Variants in KALRN observed in about 807,000 individuals in gnomAD.
KALRN encodes kalirin.
In KALRN, 70 loss-of-function variants were observed where a neutral mutation model predicts 353.7. That is an observed-to-expected ratio of 0.20 (90% CI 0.16 to 0.24). The LOEUF is 0.24. Ranked by LOEUF, KALRN falls within the 10% of genes least tolerant of loss-of-function variation. The pLI is 1.00. For synonymous variants in KALRN, 1,391 were observed against 1,434.8 expected (o/e 0.97, Z 0.69); for missense variants, 2,791 against 3,756.7 (o/e 0.74, Z 6.72).
chr3:124,530,566 AT>A (rs1392357799), intron 33 of KALRN, among the ~76,000 whole-genome samples: 1 of 151,960 alleles, frequency 6.6e-6, no homozygotes, highest in South Asian at 2.1e-4. Flanking sequence ...TAATTTTTGT[AT>A]TTTTTTGTAG....
chr3:124,569,276 T>A (rs2110021369), intron 34 of KALRN, among the ~76,000 whole-genome samples: 1 of 152,276 alleles, frequency 6.6e-6, no homozygotes, highest in Non-Finnish European at 1.5e-5. Context: ...CCTGATGATT[T>A]CTGCTGTTAC....
Position 124,642,814 on chromosome 3 carries a change from T to TTGTTGTTGTTTTTTTTTTGTTTG in KALRN, c.5664+5512_5664+5513insGTTGTTGTTTTTTTTTTGTTTGT, listed in dbSNP as rs1295983829. Reference sequence around the variant, plus strand: ...AGAGATTCCCAAGCCTCGTTTTTTTTTTTTTTTTTTTTGAGACGGAGTTTT... The same window carrying TTGTTGTTGTTTTTTTTTTGTTTG: ...AGAGATTCCCAAGCCTCGTTTTTTTTTGTTGTTGTTTTTTTTTTGTTTGTTTTTTTTTTTTGAGACGGAGTTTT... On this transcript the variant is annotated intron_variant, in intron 37 of 59. Coordinates refer to ENST00000682506, the MANE Select transcript of KALRN (RefSeq NM_001388419.1). Among the ~76,000 whole-genome samples, 64 of 102,288 alleles carry TTGTTGTTGTTTTTTTTTTGTTTG rather than the reference T, an allele frequency of 6.3e-4. 3 individuals are homozygous for TTGTTGTTGTTTTTTTTTTGTTTG. Among genetic ancestry groups the TTGTTGTTGTTTTTTTTTTGTTTG allele is most frequent in the Middle Eastern group, 0.012 (2 of 166 alleles). 67.1% of individuals were successfully genotyped at this position (102,288 alleles called of 152,430 possible).
intron 33 of KALRN, among the ~76,000 whole-genome samples, chr3:124,500,221 C>T (rs2064352346): frequency 6.6e-6 from 1 of 152,120 alleles, no homozygotes; most frequent in East Asian, 1.9e-4. Context: ...TGTAGGACTA[C>T]TTTATGTCTA....
At chr3:124,129,681 A>C (rs2065067613) in intron 1 of KALRN, among the ~76,000 whole-genome samples, 1 of 152,184 alleles carries the variant, frequency 6.6e-6, no homozygotes, top group East Asian at 1.9e-4. Flanking sequence ...AGGTTGTAAT[A>C]ATCACGTCGC....
intron 10 of KALRN, among the ~76,000 whole-genome samples, chr3:124,369,927 T>G (rs1380524331): frequency 1.3e-5 from 2 of 152,248 alleles, no homozygotes; most frequent in Non-Finnish European, 2.9e-5. Context: ...CCATTCATGT[T>G]GTCAAAAATG....
intron 1 of KALRN, among the ~76,000 whole-genome samples, chr3:124,075,989 G>C (rs992167714): frequency 6.6e-6 from 1 of 152,198 alleles, no homozygotes; most frequent in Non-Finnish European, 1.5e-5. Flanking sequence ...CTGTCTCTGC[G>C]TGTGGCCTAT....
At chr3:124,560,396 CAGTT>C (rs1424559142) in intron 33 of KALRN, among the ~76,000 whole-genome samples, 2 of 152,190 alleles carry the variant, frequency 1.3e-5, no homozygotes, top group African/African-American at 4.8e-5. Context: ...GAGAGTCTCT[CAGTT>C]AGAAAGAATT....
intron 1 of KALRN, among the ~76,000 whole-genome samples, chr3:124,171,084 TG>T (rs2071753130): frequency 6.6e-6 from 1 of 152,022 alleles, no homozygotes; most frequent in African/African-American, 2.4e-5. Context: ...CACAAAGTGT[TG>T]GGATTACAGG....
intron 1 of KALRN, among the ~76,000 whole-genome samples, chr3:124,061,293 G>A (rs1297404898): frequency 1.3e-5 from 2 of 152,196 alleles, no homozygotes; most frequent in East Asian, 3.9e-4. Context: ...GCTTCATGCT[G>A]AGTGCTTTTT....
At chr3:124,159,533 A>G (rs909929054) in intron 1 of KALRN, among the ~76,000 whole-genome samples, 1 of 150,030 alleles carries the variant, frequency 6.7e-6, no homozygotes, top group Non-Finnish European at 1.5e-5. Context: ...TGGCCTCCCA[A>G]AGTGCTGGGA....
intron 34 of KALRN, chr3:124,584,675 CAGAGCTGCGGCCGCGGTGCGGGG>C (rs2074950761): frequency 1.3e-5 from 19 of 1,430,770 alleles, no homozygotes; most frequent in Admixed American, 2.9e-5. Context: ...CCCAGTAAGT[CAGAGCTGCGGCCGCGGTGCGGGG>C]AGAGCACAGC....
At chr3:124,584,113 T>G (rs6809086) in intron 34 of KALRN, among the ~76,000 whole-genome samples, 37,869 of 152,052 alleles carry the variant, frequency 0.25, 4,876 homozygotes, top group East Asian at 0.33. Flanking sequence ...CTTGCCTAAG[T>G]TCAAACAGCT....
intron 9 of KALRN, among the ~76,000 whole-genome samples, chr3:124,343,935 T>C (rs1428618528): frequency 4.6e-5 from 7 of 152,202 alleles, no homozygotes; most frequent in African/African-American, 1.7e-4. Context: ...TGTCCGAATA[T>C]GTGAATACTT....
chr3:124,523,776 C>T (rs1314380919), intron 33 of KALRN, among the ~76,000 whole-genome samples: 1 of 152,212 alleles, frequency 6.6e-6, no homozygotes, highest in Non-Finnish European at 1.5e-5. Flanking sequence ...CATGTCTGCA[C>T]TGTCTCCTCT....
intron 56 of KALRN, among the ~76,000 whole-genome samples, chr3:124,701,466 C>A (rs1472647808): frequency 6.8e-6 from 1 of 147,760 alleles, no homozygotes; most frequent in African/African-American, 2.5e-5. Flanking sequence ...TAGCTCATTG[C>A]AGCCTCGACC....
intron 1 of KALRN, among the ~76,000 whole-genome samples, chr3:124,054,606 T>TA (rs1490783433): frequency 2.0e-5 from 3 of 152,136 alleles, no homozygotes; most frequent in African/African-American, 7.2e-5. Context: ...TAGCCAGCCT[T>TA]ACCACATTTT....
intron 38 of KALRN, among the ~76,000 whole-genome samples, chr3:124,652,400 T>C (rs888222544): frequency 6.6e-6 from 1 of 152,214 alleles, no homozygotes; most frequent in South Asian, 2.1e-4. Flanking sequence ...ATAAATGCCA[T>C]ACCCAAAGGG....
At chr3:124,710,884 C>A (rs2062854934) in intron 57 of KALRN, among the ~76,000 whole-genome samples, 1 of 152,182 alleles carries the variant, frequency 6.6e-6, no homozygotes, top group Admixed American at 6.5e-5. Context: ...AACTACAAAC[C>A]TTTTTCTAAA....
chr3:124,712,947 T>C lies in KALRN; in HGVS notation c.8088T>C (p.Ser2696=), dbSNP rs368737224. ...TTTGTTTTTCCAGAGGCCGTTTCTC[T>C]ATAGTAAAGAAATGCATTCACAAAG... The part of the protein sequence containing the change: ...ELNEIGRGRF[S]IVKKCIHKAT... Residue 2696 remains serine (S), a synonymous_variant, in exon 58 of 60, where the codon TCT becomes TCC. Transcript: ENST00000682506. 1 of 1,613,644 alleles carries C rather than the reference T, an allele frequency of 6.2e-7. No individual in the cohort carries two copies. Among genetic ancestry groups the C allele is most frequent in the Non-Finnish European group, 8.5e-7 (1 of 1,179,684 alleles).
Sources: allele counts gnomAD v4.1 joint callset (sites outside exome capture counted in the v4.1 genomes callset), GRCh38; gene constraint gnomAD v4.1.1; transcripts MANE v1.5; gene names NCBI Gene and HGNC (gene_info 2026-07-23, HGNC 2026-07-21).